ERMAP: variants seen among roughly 807,000 people sequenced by gnomAD.
The protein encoded by ERMAP is erythroblast membrane associated protein (Scianna blood group), also known as erythroid membrane-associated protein.
A neutral mutation model predicts 49.5 loss-of-function variants in ERMAP; 34 were observed. The observed-to-expected ratio is 0.69, with a 90% confidence interval of 0.52 to 0.91. ERMAP has a LOEUF of 0.91. ERMAP is among the 40% of genes least tolerant of loss of function. The pLI is 0.00. For missense variants in ERMAP, 541 were observed against 582.6 expected (o/e 0.93, Z 0.74); for synonymous variants, 214 against 232.2 (o/e 0.92, Z 0.71).
At position 42,842,881 on chromosome 1, in the gene ERMAP, G is replaced by A. The variant is rs1274595909; in HGVS notation, c.1077G>A (p.Gly359=). 4.3e-6 allele frequency: 7 copies of A among 1,614,054 alleles called. No homozygotes were observed. The African/African-American group carries it at 8.0e-5, about 18-fold the overall frequency. The stretch of plus-strand genomic sequence containing the variant: ...TTAAAGAGCCTCCACGGTGTGTGGG[G>A]ATTTTCCTGGACTATGAAGCAGGAG... ...FRLKEPPRCV[G]IFLDYEAGVI... is the part of the protein sequence containing the mutation. The change falls in exon 12 of 12, where the codon GGG becomes GGA. Residue 359 remains glycine, a synonymous_variant. Transcript: ENST00000372517.
chr1:42,835,020 T>G lies in ERMAP; in HGVS notation c.434-18T>G. 1 of 987,586 alleles carries G rather than the reference T, an allele frequency of 1.0e-6. No homozygotes were observed. The highest frequency in any genetic ancestry group is 1.6e-6 in the Non-Finnish European group (1 of 607,524). The allele number at this position is 987,586 out of a possible 1,614,324, so 61.2% of individuals were successfully genotyped here. A position where few individuals can be genotyped will look rare whatever the true frequency, so the allele number is the denominator to read the frequency against. On this transcript the variant is annotated intron_variant, in intron 4 of 11. Transcript: ENST00000372517. ...TAGACATCTCCCTGAGGTCAGTCGTTGGTGGTTTCTGTTTCAGCCCCATCT... is the reference window on the plus strand; with the variant it reads ...TAGACATCTCCCTGAGGTCAGTCGTGGGTGGTTTCTGTTTCAGCCCCATCT...
intron 4 of ERMAP, among the ~76,000 whole-genome samples, chr1:42,831,575 CTTTTTT>C (rs796367653): frequency 1.2e-5 from 1 of 84,010 alleles, no homozygotes; most frequent in African/African-American, 5.7e-5. Flanking sequence ...TTTTTTTTCT[CTTTTTT>C]TTTTTTTTTT....
At chr1:42,829,123 A>G (rs1570534256) in intron 2 of ERMAP, among the ~76,000 whole-genome samples, 2 of 152,190 alleles carry the variant, frequency 1.3e-5, no homozygotes, top group Non-Finnish European at 2.9e-5. Context: ...CAGTCACAAA[A>G]AAATGTGTCC....
At position 42,843,122 on chromosome 1, in the gene ERMAP, G is replaced by C; in HGVS notation, c.1318G>C (p.Val440Leu). 6.2e-7 allele frequency: 1 copy of C among 1,614,184 alleles called. No homozygotes were observed. The highest frequency in any genetic ancestry group is 1.7e-5 in the Admixed American group (1 of 60,022). ...TGCTAATGGAGATGTGTCCCTCAAG[G>C]TGAACTCTTCTTTACTACCCCCGAA... Reference protein sequence around the residue: ...GHANGDVSLKVNSSLLPPKAP... With the variant: ...GHANGDVSLKLNSSLLPPKAP... Residue 440 changes from valine (V) to leucine (L), a missense_variant, in exon 12 of 12, where the codon GTG (valine) becomes CTG (leucine). Transcript: ENST00000372517.
chr1:42,843,391 T>G lies in ERMAP; in HGVS notation c.*159T>G. ...GTACCACTTTTCTCCCAGGCCTCAG[T>G]TCTGAAGCTTACCTTTCTTCTAAGG... On this transcript the variant is annotated 3_prime_UTR_variant, in exon 12 of 12. Transcript: ENST00000372517. 1.8e-6 allele frequency: 1 copy of G among 548,890 alleles called. No individual in the cohort carries two copies. Among genetic ancestry groups the G allele is most frequent in the South Asian group, 3.1e-5 (1 of 32,568 alleles). 34.0% of individuals were successfully genotyped at this position (548,890 alleles called of 1,614,324 possible). A position where few individuals can be genotyped will look rare whatever the true frequency, so the allele number is the denominator to read the frequency against.
At chr1:42,831,391 T>C (rs1654725781) in intron 4 of ERMAP, among the ~76,000 whole-genome samples, 1 of 152,082 alleles carries the variant, frequency 6.6e-6, no homozygotes, top group African/African-American at 2.4e-5. Context: ...GATAATAGCT[T>C]TTCCTCCCTG....
At chr1:42,836,317 T>G (rs1338815303) in intron 6 of ERMAP, among the ~76,000 whole-genome samples, 1 of 151,410 alleles carries the variant, frequency 6.6e-6, no homozygotes, top group African/African-American at 2.4e-5. Context: ...AAGTCATGAG[T>G]GAAGAGGGAA....
rs1570546234 is a variant in ERMAP, at chr1:42,839,711, T to C, written c.638-322T>C. ...GATCACAAAGTCCAATACTCAGTGA[T>C]AGTTTTAAATGAAGTAATATTTCCT... On this transcript the variant is annotated intron_variant, in intron 8 of 11. Coordinates refer to ENST00000372517, the MANE Select transcript of ERMAP (RefSeq NM_001017922.2). 2.4e-5 allele frequency: 11 copies of C among 452,784 alleles called. No individual in the cohort carries two copies. In the East Asian group the frequency reaches 3.9e-4, roughly 16 times the overall value. The allele number at this position is 452,784 out of a possible 1,614,324, so 28.0% of individuals were successfully genotyped here.
chr1:42,832,588 A>G (rs1654778869), intron 4 of ERMAP, among the ~76,000 whole-genome samples: 1 of 151,802 alleles, frequency 6.6e-6, no homozygotes, highest in Non-Finnish European at 1.5e-5. Context: ...GCTGATCTCA[A>G]TCTCCCGACC....
intron 1 of ERMAP, 134 bp from the exon 2 acceptor site, chr1:42,825,489 T>G: frequency 8.5e-7 from 1 of 1,177,322 alleles, no homozygotes; most frequent in Non-Finnish European, 1.1e-6. Context: ...CTCTGTTCTT[T>G]TATCAGGGGC....
In ERMAP at chr1:42,835,074, C is replaced by A; in HGVS notation, c.470C>A (p.Ala157Asp). 1.9e-6 allele frequency: 3 copies of A among 1,573,498 alleles called. No homozygotes were observed. The highest frequency in any genetic ancestry group is 1.1e-5 in the South Asian group (1 of 90,278). ...GGGAGTCTCTCCCCCTCAGCAGTGGCTCTGGCTGTGATCCTGCCTGTCCTG... is the reference window on the plus strand; with the variant it reads ...GGGAGTCTCTCCCCCTCAGCAGTGGATCTGGCTGTGATCCTGCCTGTCCTG... The part of the protein sequence containing the change: ...SVGSLSPSAV[A>D]LAVILPVLVL... The change falls in exon 5 of 12, where the codon GCT becomes GAT. Residue 157 changes from alanine (A) to aspartate (D), a missense_variant. Coordinates refer to ENST00000372517, the MANE Select transcript of ERMAP (RefSeq NM_001017922.2).
Position 42,819,598 on chromosome 1 carries a change from G to T in ERMAP, c.-122+2345G>T, listed in dbSNP as rs1244828495. Among the ~76,000 whole-genome samples, 1 of 151,990 alleles carries T rather than the reference G, an allele frequency of 6.6e-6. No homozygotes were observed. Among genetic ancestry groups the T allele is most frequent in the Non-Finnish European group, 1.5e-5 (1 of 67,988 alleles). ...ACACTAAGATTATATTCACTTTATT[G>T]AATAATATTTTTTCTAGAGTCAAAA... is the stretch of plus-strand genomic sequence containing the variant. On this transcript the variant is annotated intron_variant, in intron 1 of 11. Coordinates refer to ENST00000372517, the MANE Select transcript of ERMAP (RefSeq NM_001017922.2). This position sits in a 1 kb window ranked among gnomAD's most constrained non-coding sequence, Gnocchi z 5.1.
At chr1:42,839,939 G>C in intron 8 of ERMAP, 94 bp from the exon 9 acceptor site, 1 of 1,260,038 alleles carries the variant, frequency 7.9e-7, no homozygotes, top group South Asian at 1.2e-5. Flanking sequence ...TTGAGTATCT[G>C]TCTGCTCATG....
At chr1:42,834,203 T>C (rs920108457) in intron 4 of ERMAP, among the ~76,000 whole-genome samples, 4 of 152,200 alleles carry the variant, frequency 2.6e-5, no homozygotes, top group South Asian at 2.1e-4. Context: ...TTTCCTCTCC[T>C]CTATTTCCTC....
At chr1:42,817,850 T>C (rs1654289157) in intron 1 of ERMAP, 1 of 152,216 alleles carries the variant, frequency 6.6e-6, no homozygotes, top group Admixed American at 6.5e-5. Context: ...AAAATGATAA[T>C]AGCTACCTTA....
chr1:42,824,325 G>A (rs1422420611), intron 1 of ERMAP: 1 of 150,984 alleles, frequency 6.6e-6, no homozygotes, highest in Non-Finnish European at 1.5e-5. Context: ...TCCAGCCTGG[G>A]CGACGGAGCG....
At position 42,830,984 on chromosome 1, in the gene ERMAP, TGA is replaced by T. The variant is rs387906265; in HGVS notation, c.307_308del (p.Asp103CysfsTer12). 6.2e-7 allele frequency: 1 copy of T among 1,614,026 alleles called. No homozygotes were observed. The highest frequency in any genetic ancestry group is 1.3e-5 in the African/African-American group (1 of 74,908). ...GAATATAAGGGGAGGACGGTGCTAG[TGA>T]GAGATGCCCAAGAGGGAAGTGTCAC... On this transcript the variant is annotated frameshift_variant, in exon 4 of 12. Transcript: ENST00000372517. LOFTEE classifies it high-confidence loss of function.
intron 11 of ERMAP, 77 bp from the exon 12 acceptor site, chr1:42,842,440 C>A: frequency 7.5e-7 from 1 of 1,336,168 alleles, no homozygotes; most frequent in Non-Finnish European, 1.0e-6. Context: ...ACCTAAGATT[C>A]TTTTTCCCTC....
rs1333981928 is a variant in ERMAP, at chr1:42,843,175, G to A, written c.1371G>A (p.Leu457=). 2 of 1,612,226 alleles carry A rather than the reference G, an allele frequency of 1.2e-6. No homozygotes were observed. The highest frequency in any genetic ancestry group is 2.2e-5 in the East Asian group (1 of 44,870). The change falls in exon 12 of 12, where the codon CTG becomes CTA. Residue 457 remains leucine (L), a synonymous_variant. Transcript: ENST00000372517. The part of the protein sequence containing the change: ...PKAPELKDII[L]SLPPDLGPAL... Reference sequence around the variant, plus strand: ...CCCCAGAGCTGAAGGATATAATCCTGTCCTTGCCCCCTGACCTTGGCCCAG... The same window carrying A: ...CCCCAGAGCTGAAGGATATAATCCTATCCTTGCCCCCTGACCTTGGCCCAG...
Sources: allele counts gnomAD v4.1 joint callset (sites outside exome capture counted in the v4.1 genomes callset), GRCh38; gene constraint gnomAD v4.1.1; non-coding constraint Gnocchi (gnomAD v3.1); transcripts MANE v1.5; gene names NCBI Gene and HGNC (gene_info 2026-07-23, HGNC 2026-07-21).